Variants in ADGRV1 observed in about 807,000 individuals in gnomAD.
ADGRV1 encodes adhesion G protein-coupled receptor V1, also known as G-protein coupled receptor 98.
In ADGRV1, 359 loss-of-function variants were observed where a neutral mutation model predicts 596.2. That is an observed-to-expected ratio of 0.60 (90% confidence interval 0.55 to 0.66). ADGRV1 has a LOEUF of 0.66. ADGRV1 is among the 30% of genes least tolerant of loss of function. The probability of loss-of-function intolerance (pLI) is 0.00; values close to 1 mark genes in which losing one functional copy is unlikely to be tolerated. For missense variants in ADGRV1, 7,274 were observed against 7,575.6 expected (o/e 0.96, Z 1.48); for synonymous variants, 2,681 against 2,679.2 (o/e 1.00, Z -0.02).
intron 84 of ADGRV1, among the ~76,000 whole-genome samples, chr5:90,977,970 T>C (rs1779755106): frequency 6.6e-6 from 1 of 152,168 alleles, no homozygotes; most frequent in African/African-American, 2.4e-5. Context: ...TATATAACTT[T>C]ATGTTTGGCC....
At chr5:90,569,354 G>GATAGATATATATAT (rs1554048413) in intron 1 of ADGRV1, among the ~76,000 whole-genome samples, 1 of 12,790 alleles carries the variant, frequency 7.8e-5, no homozygotes, top group Non-Finnish European at 1.4e-4. Context: ...CTGTTTGCAT[G>GATAGATATATATAT]ATATATATAT....
At chr5:90,721,518 A>ATTAAATTAAAT (rs1389910760) in intron 45 of ADGRV1, among the ~76,000 whole-genome samples, 1 of 98,014 alleles carries the variant, frequency 1.0e-5, no homozygotes, top group East Asian at 3.0e-4. Flanking sequence ...ATAAAATAAA[A>ATTAAATTAAAT]TAAAATAAAA....
At chr5:90,736,301 C>A (rs2149856466) in intron 50 of ADGRV1, among the ~76,000 whole-genome samples, 1 of 152,102 alleles carries the variant, frequency 6.6e-6, no homozygotes, top group Middle Eastern at 3.4e-3. Flanking sequence ...TTGAACCATC[C>A]ATAAATTCCA....
At position 90,791,254 on chromosome 5, in the gene ADGRV1, G is replaced by A; in HGVS notation, c.14425G>A (p.Glu4809Lys). Residue 4809 changes from glutamate (E) to lysine (K), a missense_variant, in exon 70 of 90, where the codon GAA becomes AAA. Glu to Lys is a moderately conservative substitution (Grantham distance 56). Coordinates refer to ENST00000405460, the MANE Select transcript of ADGRV1 (RefSeq NM_032119.4). ...GCTTCGAATATCATCGGATCATAAA[G>A]AACAGCCGATTGTTACCGAAAATGC... The part of the protein sequence containing the change: ...VGLRISSDHK[E>K]QPIVTENAER... The A allele has an allele frequency of 6.2e-7, 1 of 1,611,676 alleles. No individual in the cohort carries two copies. Among genetic ancestry groups the A allele is most frequent in the Non-Finnish European group, 8.5e-7 (1 of 1,178,906 alleles).
chr5:90,752,778 A>G (rs1755413409), intron 53 of ADGRV1, among the ~76,000 whole-genome samples: 1 of 152,246 alleles, frequency 6.6e-6, no homozygotes. Context: ...TCTTCGCAAT[A>G]GCAAAGACAT....
At chr5:90,715,046 G>A (rs962617201) in intron 42 of ADGRV1, among the ~76,000 whole-genome samples, 16 of 152,318 alleles carry the variant, frequency 1.1e-4, no homozygotes, top group Admixed American at 5.2e-4. Flanking sequence ...TGACATCACT[G>A]TAATATTGAG....
At chr5:90,965,781 A>G (rs1304950677) in intron 84 of ADGRV1, among the ~76,000 whole-genome samples, 4 of 152,222 alleles carry the variant, frequency 2.6e-5, no homozygotes, top group Admixed American at 6.5e-5. Flanking sequence ...GAAGTCTGCA[A>G]TGTGGGCCCT....
At chr5:90,790,037 A>G (rs933224806) in intron 69 of ADGRV1, among the ~76,000 whole-genome samples, 186 bp downstream of exon 69, 1 of 152,236 alleles carries the variant, frequency 6.6e-6, no homozygotes, top group African/African-American at 2.4e-5. Flanking sequence ...ACCTCTAGCT[A>G]TCTCTCTAAA....
chr5:90,685,791 C>G lies in ADGRV1; in HGVS notation c.6286C>G (p.Pro2096Ala). The G allele has an allele frequency of 6.2e-7, 1 of 1,606,350 alleles. No homozygotes were observed. Among genetic ancestry groups the G allele is most frequent in the Non-Finnish European group, 8.5e-7 (1 of 1,177,548 alleles). Residue 2096 changes from proline (P) to alanine (A), a missense_variant, in exon 29 of 90, where the codon CCA (proline) becomes GCA (alanine). Transcript: ENST00000405460. ...CTTCTGTCTTTCAGTTCCAAATTCTCCACGTCTTGGGCCTAAGGTAGAAAC... is the reference window on the plus strand; with the variant it reads ...CTTCTGTCTTTCAGTTCCAAATTCTGCACGTCTTGGGCCTAAGGTAGAAAC... ...KVQSRSIPNS[P>A]RLGPKVETIA...
intron 83 of ADGRV1, among the ~76,000 whole-genome samples, chr5:90,873,879 A>G (rs137927711): frequency 2.8e-3 from 426 of 151,702 alleles, no homozygotes; most frequent in African/African-American, 9.9e-3. Context: ...GGTTTATCCC[A>G]TTTGTGATCC....
intron 1 of ADGRV1, among the ~76,000 whole-genome samples, chr5:90,597,023 A>C (rs904809210): frequency 7.2e-5 from 11 of 152,256 alleles, no homozygotes; most frequent in African/African-American, 2.2e-4. Flanking sequence ...CATCTTCACT[A>C]TGTGGACACA....
At position 90,724,874 on chromosome 5, in the gene ADGRV1, A is replaced by C. The variant is rs1751556830; in HGVS notation, c.9791A>C (p.Asp3264Ala). ...VVFSVFQSFL[D>A]ESASGWCFFT... ...TTTTCCGTATTTCAAAGTTTTTTGG[A>C]TGAATCAGCTTCTGGCTGGTGTTTC... The change falls in exon 46 of 90, where the codon GAT (aspartate) becomes GCT (alanine). Residue 3264 changes from aspartate (D) to alanine (A), a missense_variant. Physicochemically the swap from Asp to Ala is moderately radical, Grantham distance 126. Coordinates refer to ENST00000405460, the MANE Select transcript of ADGRV1 (RefSeq NM_032119.4). 6.2e-7 allele frequency: 1 copy of C among 1,613,004 alleles called. No homozygotes were observed. Among genetic ancestry groups the C allele is most frequent in the South Asian group, 1.1e-5 (1 of 91,036 alleles).
At chr5:90,794,295 G>C (rs111844265) in intron 70 of ADGRV1, among the ~76,000 whole-genome samples, 216 of 152,300 alleles carry the variant, frequency 1.4e-3, no homozygotes, top group African/African-American at 4.9e-3. Flanking sequence ...CAGAACCTTC[G>C]AGTGTCAACT....
Position 90,763,468 on chromosome 5 carries a change from A to C in ADGRV1, c.12284A>C (p.Glu4095Ala). The change falls in exon 59 of 90, where the codon GAG becomes GCG. Residue 4095 changes from glutamate (E) to alanine (A), a missense_variant and splice_region_variant. By Grantham distance (107) the Glu-to-Ala change is moderately radical. Around this residue, in one of 5 missense-constraint regions of ADGRV1, gnomAD observed 3,643 missense variants for 3,809.2 expected, o/e 0.96. Transcript: ENST00000405460. ...SPLNGTLHFD[E>A]TESQKTIVLH... ...TTGAATGGGACCCTTCATTTTGATG[A>C]GGTATAGTCAGCATTAGCACTCCTG... 1 of 1,606,178 alleles carries C rather than the reference A, an allele frequency of 6.2e-7. No homozygotes were observed. The highest frequency in any genetic ancestry group is 1.1e-5 in the South Asian group (1 of 90,122).
At chr5:91,023,243 T>C (rs527850121) in intron 85 of ADGRV1, among the ~76,000 whole-genome samples, 119 of 152,244 alleles carry the variant, frequency 7.8e-4, no homozygotes, top group African/African-American at 2.7e-3. Context: ...CCATAATGTG[T>C]AGCTAAACAA....
intron 83 of ADGRV1, among the ~76,000 whole-genome samples, chr5:90,875,445 G>GA (rs1452844292): frequency 6.6e-6 from 1 of 152,154 alleles, no homozygotes; most frequent in Admixed American, 6.5e-5. Flanking sequence ...TTCTCTTCGT[G>GA]TTAAAACATT....
chr5:91,048,298 A>T (rs1299166360), intron 85 of ADGRV1, among the ~76,000 whole-genome samples: 1 of 152,248 alleles, frequency 6.6e-6, no homozygotes. Context: ...AGAAGGTTCT[A>T]TCAGACAAGA....
Position 90,805,329 on chromosome 5 carries a change from G to T in ADGRV1, c.14707G>T (p.Gly4903Cys). Reference protein sequence around the residue: ...TAFQLMNITAGTSHVMISRRG... With the variant: ...TAFQLMNITACTSHVMISRRG... The stretch of plus-strand genomic sequence containing the variant: ...TTTTCAACTCATGAACATCACTGCT[G>T]GCACAAGCCACGTTATGATTTCTAG... The change falls in exon 72 of 90, where the codon GGC becomes TGC. Residue 4903 changes from glycine (G) to cysteine (C), a missense_variant. Physicochemically the swap from Gly to Cys is radical, Grantham distance 159 (BLOSUM62 -3). This residue lies in a region of ADGRV1 where 1,874 missense variants were observed against 1,970.2 expected (regional missense o/e 0.95). Transcript: ENST00000405460. 1.2e-6 allele frequency: 2 copies of T among 1,612,924 alleles called. No homozygotes were observed. Among genetic ancestry groups the T allele is most frequent in the Non-Finnish European group, 1.7e-6 (2 of 1,179,156 alleles).
At chr5:90,799,994 A>G (rs567558149) in intron 70 of ADGRV1, among the ~76,000 whole-genome samples, 1 of 152,356 alleles carries the variant, frequency 6.6e-6, no homozygotes, top group East Asian at 1.9e-4. Context: ...AACCTAGGAA[A>G]TACCATTTAG....
Sources: gnomAD v4.1 joint callset for allele counts (sites outside exome capture counted in the v4.1 genomes callset) on GRCh38, gnomAD v4.1.1 for gene constraint, gnomAD v4.1.1 regional missense constraint, MANE v1.5 for transcripts, NCBI Gene and HGNC (gene_info 2026-07-23, HGNC 2026-07-21) for gene names.